STS: variants seen among roughly 807,000 people sequenced by gnomAD.
STS encodes steroid sulfatase, also known as steryl-sulfatase.
Under a neutral mutation model 26.8 loss-of-function variants are expected in STS, and 7 were observed. That is an observed-to-expected ratio of 0.26 (90% CI 0.15 to 0.49). The LOEUF (loss-of-function observed/expected upper bound fraction) is 0.49. Among genes scored for constraint, STS ranks in the 20% least tolerant of loss-of-function variants. The probability of loss-of-function intolerance (pLI) is 0.98; values close to 1 mark genes in which losing one functional copy is unlikely to be tolerated. For missense variants in STS, 434 were observed against 465.6 expected (o/e 0.93, Z 0.63); for synonymous variants, 199 against 189.4 (o/e 1.05, Z -0.42).
intron 2 of STS, among the ~76,000 whole-genome samples, chrX:7,242,307 C>T (rs1601679591): frequency 9.1e-6 from 1 of 110,322 alleles, no homozygotes. Context: ...TTAATAATAA[C>T]TTTATAAGTT....
intron 9 of STS, 132 bp downstream of exon 9, chrX:7,325,630 T>A (rs775380031): frequency 1.3e-6 from 1 of 751,237 alleles, no homozygotes; most frequent in East Asian, 3.2e-5. Context: ...ATCACAGGTT[T>A]GAGGCAGGTC....
intron 2 of STS, among the ~76,000 whole-genome samples, chrX:7,199,467 G>A (rs1934029947): frequency 9.0e-6 from 1 of 111,627 alleles, no homozygotes; most frequent in East Asian, 2.8e-4. Flanking sequence ...ATAATAAATC[G>A]TGTTTTCACA....
intron 2 of STS, among the ~76,000 whole-genome samples, chrX:7,205,807 G>C (rs1033862357): frequency 1.8e-5 from 2 of 108,770 alleles, no homozygotes; most frequent in African/African-American, 3.4e-5. Context: ...GTAGAGACAA[G>C]GTCTCGCTAT....
At chrX:7,315,768 A>G (rs1439966995) in intron 8 of STS, among the ~76,000 whole-genome samples, 1 of 111,408 alleles carries the variant, frequency 9.0e-6, no homozygotes, top group Admixed American at 9.5e-5. Flanking sequence ...CAGCCAGTCT[A>G]GTCCTTCCAC....
At chrX:7,229,290 G>A (rs7891417) in intron 2 of STS, among the ~76,000 whole-genome samples, 2,289 of 111,517 alleles carry the variant, frequency 0.021, 50 homozygotes, top group African/African-American at 0.067. Context: ...ATTAGGTTCC[G>A]CTCACCCCCT....
chrX:7,170,510 T>A (rs1421781727), intron 1 of STS, among the ~76,000 whole-genome samples: 1 of 111,070 alleles, frequency 9.0e-6, no homozygotes, highest in South Asian at 3.9e-4. Context: ...TGATCTCAGC[T>A]CACTGCAGCC....
rs760559502 is a variant in STS at position 7,211,146 on chromosome X, A to G, written c.-5+20138A>G. On this transcript the variant is annotated intron_variant, in intron 2 of 10. Coordinates refer to ENST00000674429, the MANE Select transcript of STS (RefSeq NM_001320752.2). Reference sequence around the variant, plus strand: ...GTATCCTTAGACCAACATCTCCCCAATGAAAAACACTTACTTTAATATTCA... The same window carrying G: ...GTATCCTTAGACCAACATCTCCCCAGTGAAAAACACTTACTTTAATATTCA... Among the ~76,000 whole-genome samples the G allele has an allele frequency of 1.3e-3, 140 of 111,937 alleles. 1 individual carries two copies. The highest frequency in any genetic ancestry group is 4.3e-3 in the African/African-American group (133 of 30,833).
intron 1 of STS, among the ~76,000 whole-genome samples, chrX:7,168,456 T>A (rs1395840823): frequency 8.9e-6 from 1 of 111,925 alleles, no homozygotes; most frequent in Non-Finnish European, 1.9e-5. Flanking sequence ...CATGACAAAG[T>A]CTCCTGCAAT....
intron 2 of STS, among the ~76,000 whole-genome samples, chrX:7,231,452 C>T (rs1922056264): frequency 9.0e-6 from 1 of 111,715 alleles, no homozygotes; most frequent in African/African-American, 3.3e-5. Flanking sequence ...GTCCCTTTGG[C>T]TTTCCACGTC....
At chrX:7,195,241 A>G (rs1432790498) in intron 2 of STS, among the ~76,000 whole-genome samples, 11 of 111,754 alleles carry the variant, frequency 9.8e-5, no homozygotes, top group African/African-American at 3.6e-4. Flanking sequence ...TAATACCTGT[A>G]CCACCCTCCA....
intron 1 of STS, among the ~76,000 whole-genome samples, chrX:7,178,425 C>T (rs765408645): frequency 2.4e-4 from 27 of 111,526 alleles, no homozygotes; most frequent in African/African-American, 7.5e-4. Context: ...GGAATTTTAG[C>T]TCCTTCTGGC....
chrX:7,332,432 GA>G (rs775902006), intron 9 of STS, among the ~76,000 whole-genome samples: 250 of 94,733 alleles, frequency 2.6e-3, no homozygotes, highest in East Asian at 8.9e-3. Context: ...TTGGCAGATG[GA>G]AAAAAAAAAA....
intron 2 of STS, among the ~76,000 whole-genome samples, chrX:7,204,610 C>T (rs1179173517): frequency 3.0e-5 from 3 of 99,515 alleles, no homozygotes; most frequent in Non-Finnish European, 4.1e-5. Flanking sequence ...CTTCTTTCTT[C>T]CTTCCCTTCC....
At chrX:7,342,550 A>C (rs1170416163) in intron 10 of STS, among the ~76,000 whole-genome samples, 2 of 112,521 alleles carry the variant, frequency 1.8e-5, no homozygotes, top group African/African-American at 6.5e-5. Flanking sequence ...CTGGCTGTGA[A>C]ACAGATGCAC....
Position 7,350,261 on chromosome X carries a change from G to A in STS, c.1737G>A (p.Ter579=). 1 of 1,206,128 alleles carries A rather than the reference G, an allele frequency of 8.3e-7. No individual in the cohort carries two copies. The highest frequency in any genetic ancestry group is 1.1e-6 in the Non-Finnish European group (1 of 892,919). The change falls in exon 11 of 11, where the codon TAG becomes TAA. Residue 579 remains the stop codon, a stop_retained_variant. Coordinates refer to ENST00000674429, the MANE Select transcript of STS (RefSeq NM_001320752.2). ...AACAGGATAAGAGACTGAGCCGCTA[G>A]CAGCGCCTGGGGACCAGACAGACGC... ...REKQDKRLSR[*]
At chrX:7,223,487 C>T (rs1223204845) in intron 2 of STS, among the ~76,000 whole-genome samples, 6 of 111,497 alleles carry the variant, frequency 5.4e-5, no homozygotes, top group African/African-American at 1.3e-4. Flanking sequence ...TGCATTTCTC[C>T]GATGATTAGT....
intron 7 of STS, among the ~76,000 whole-genome samples, chrX:7,280,514 G>A (rs1433001407): frequency 1.8e-5 from 2 of 112,172 alleles, no homozygotes; most frequent in African/African-American, 6.5e-5. Flanking sequence ...GAACAAACGT[G>A]TAAAATCTCA....
chrX:7,250,491 A>G (rs1321317554), intron 2 of STS, among the ~76,000 whole-genome samples: 1 of 111,153 alleles, frequency 9.0e-6, no homozygotes, highest in Non-Finnish European at 1.9e-5. Context: ...ATTAAGATAG[A>G]CAAGGTTTTT....
intron 2 of STS, among the ~76,000 whole-genome samples, chrX:7,204,612 T>C (rs1263893616): frequency 6.0e-5 from 6 of 100,718 alleles, no homozygotes; most frequent in African/African-American, 2.2e-4. Flanking sequence ...TCTTTCTTCC[T>C]TCCCTTCCTT....
Sources: allele counts gnomAD v4.1 joint callset (sites outside exome capture counted in the v4.1 genomes callset), GRCh38; gene constraint gnomAD v4.1.1; transcripts MANE v1.5; gene names NCBI Gene and HGNC (gene_info 2026-07-23, HGNC 2026-07-21).